Variants in SLC30A8 observed in about 807,000 individuals in gnomAD.
SLC30A8 encodes solute carrier family 30 member 8.
In SLC30A8, 27 loss-of-function variants were observed where a neutral mutation model predicts 36.9. That is an observed-to-expected ratio of 0.73 (90% confidence interval 0.54 to 1.01). The LOEUF (loss-of-function observed/expected upper bound fraction) is 1.01. Ranked by LOEUF, SLC30A8 falls within the 50% of genes least tolerant of loss-of-function variation. SLC30A8 has a pLI of 0.00. For missense variants in SLC30A8, 439 were observed against 452.0 expected (o/e 0.97, Z 0.26); for synonymous variants, 164 against 172.4 (o/e 0.95, Z 0.38).
chr8:116,995,224 T>C (rs1815775429), intron 1 of SLC30A8, among the ~76,000 whole-genome samples: 2 of 152,130 alleles, frequency 1.3e-5, no homozygotes, highest in South Asian at 4.1e-4. Context: ...CAAGGTTTAA[T>C]GCATCTTTGC....
At chr8:117,123,459 T>A (rs1213157752) in intron 2 of SLC30A8, among the ~76,000 whole-genome samples, 1 of 152,044 alleles carries the variant, frequency 6.6e-6, no homozygotes, top group Non-Finnish European at 1.5e-5. Context: ...CTAATTTCAT[T>A]ATTAGGCATT....
At chr8:117,094,190 A>G (rs1369746675) in intron 2 of SLC30A8, among the ~76,000 whole-genome samples, 1 of 152,220 alleles carries the variant, frequency 6.6e-6, no homozygotes, top group Non-Finnish European at 1.5e-5. Flanking sequence ...ATGCCAAAGT[A>G]GTGAGCAAGG....
chr8:117,094,142 C>T (rs1005176008), intron 2 of SLC30A8, among the ~76,000 whole-genome samples: 2 of 152,266 alleles, frequency 1.3e-5, no homozygotes, highest in Non-Finnish European at 2.9e-5. Context: ...CGAAGGGCCA[C>T]AGCTCTTCTC....
At chr8:117,055,128 G>T (rs557495892) in intron 2 of SLC30A8, among the ~76,000 whole-genome samples, 41 of 152,176 alleles carry the variant, frequency 2.7e-4, no homozygotes, top group Non-Finnish European at 5.3e-4. Flanking sequence ...GAGCTTGAAA[G>T]TGCGGGGTTA....
At chr8:117,146,231 C>G (rs1033727111) in intron 1 of SLC30A8, among the ~76,000 whole-genome samples, 2 of 151,762 alleles carry the variant, frequency 1.3e-5, no homozygotes, top group Admixed American at 1.3e-4. Flanking sequence ...CACATGTACC[C>G]TAAATTAGTT....
At chr8:116,980,207 T>C (rs765990387) in intron 1 of SLC30A8, among the ~76,000 whole-genome samples, 7 of 152,202 alleles carry the variant, frequency 4.6e-5, no homozygotes, top group Non-Finnish European at 1.0e-4. Flanking sequence ...ATGCATCACT[T>C]TTTTTGGTAG....
At chr8:116,983,633 A>G (rs1815347339) in intron 1 of SLC30A8, among the ~76,000 whole-genome samples, 3 of 152,088 alleles carry the variant, frequency 2.0e-5, no homozygotes, top group Admixed American at 2.0e-4. Context: ...TTGGAATTTC[A>G]CTTTTTCTAT....
At chr8:117,077,129 G>A (rs186113581) in intron 2 of SLC30A8, among the ~76,000 whole-genome samples, 1 of 152,104 alleles carries the variant, frequency 6.6e-6, no homozygotes, top group Non-Finnish European at 1.5e-5. Context: ...TATCCTCCCA[G>A]GTTACTCCTG....
intron 6 of SLC30A8, among the ~76,000 whole-genome samples, chr8:117,165,404 T>G (rs979707819): frequency 1.3e-5 from 2 of 152,226 alleles, no homozygotes; most frequent in Non-Finnish European, 2.9e-5. Flanking sequence ...CAGCAAGATA[T>G]TCTCAATTTT....
intron 7 of SLC30A8, 131 bp downstream of exon 7, chr8:117,171,299 A>G: frequency 9.5e-7 from 1 of 1,050,400 alleles, no homozygotes; most frequent in Non-Finnish European, 1.4e-6. Flanking sequence ...GTTTTCTATT[A>G]CCAAGGGCCT....
chr8:117,127,094 G>C (rs1318459741), intron 2 of SLC30A8, among the ~76,000 whole-genome samples: 2 of 151,842 alleles, frequency 1.3e-5, no homozygotes, highest in African/African-American at 4.8e-5. Flanking sequence ...GAGGCCACTG[G>C]ACCTGTCCTT....
chr8:117,130,936 TTC>T (rs943265860), upstream of SLC30A8, among the ~76,000 whole-genome samples: 59 of 152,162 alleles, frequency 3.9e-4, no homozygotes, highest in African/African-American at 1.3e-3. Context: ...TAGTTCATTT[TTC>T]TGTCATTTAT....
At chr8:117,127,182 G>A (rs1445400154) in intron 2 of SLC30A8, among the ~76,000 whole-genome samples, 7 of 151,694 alleles carry the variant, frequency 4.6e-5, no homozygotes, top group Non-Finnish European at 7.4e-5. Context: ...TAATTGGTAC[G>A]CGTTCCAAAT....
At chr8:116,951,647 AT>A in intron 1 of SLC30A8, among the ~76,000 whole-genome samples, 1 of 151,786 alleles carries the variant, frequency 6.6e-6, no homozygotes, top group Non-Finnish European at 1.5e-5. Flanking sequence ...CCATCTTCCA[AT>A]TTTTTGGTGA....
At chr8:117,164,594 A>T (rs370627408) in intron 6 of SLC30A8, among the ~76,000 whole-genome samples, 2 of 152,276 alleles carry the variant, frequency 1.3e-5, no homozygotes, top group African/African-American at 4.8e-5. Context: ...AATAAATAAA[A>T]AAAGCTTTGT....
At chr8:117,011,420 C>G (rs952657957) in intron 1 of SLC30A8, among the ~76,000 whole-genome samples, 3 of 152,194 alleles carry the variant, frequency 2.0e-5, no homozygotes, top group Non-Finnish European at 4.4e-5. Flanking sequence ...TGCCAAATAG[C>G]TCGTTTGTGA....
rs1823714645 is a variant in SLC30A8 at position 117,176,696 on chromosome 8, T to C, written c.*4015T>C. On this transcript the variant is annotated 3_prime_UTR_variant, in exon 8 of 8. Coordinates refer to ENST00000456015, the MANE Select transcript of SLC30A8 (RefSeq NM_173851.3). Reference sequence around the variant, plus strand: ...AAATGTTAATGTGTGTTGTTTAAAATAAAATCAAGAAAGAGAGAGTTTGGG... The same window carrying C: ...AAATGTTAATGTGTGTTGTTTAAAACAAAATCAAGAAAGAGAGAGTTTGGG... The C allele has an allele frequency of 6.6e-6, 1 of 152,478 alleles. No homozygotes were observed. Among genetic ancestry groups the C allele is most frequent in the Non-Finnish European group, 1.5e-5 (1 of 67,996 alleles). The allele number at this position is 152,478 out of a possible 1,614,324, so 9.4% of individuals were successfully genotyped here. A position where few individuals can be genotyped will look rare whatever the true frequency, so the allele number is the denominator to read the frequency against.
At chr8:117,141,221 A>G (rs1177878334) in intron 1 of SLC30A8, among the ~76,000 whole-genome samples, 1 of 152,156 alleles carries the variant, frequency 6.6e-6, no homozygotes, top group Non-Finnish European at 1.5e-5. Context: ...GAAATATCAC[A>G]GGAAAATAAA....
chr8:117,144,433 G>A (rs1014229215), intron 1 of SLC30A8, among the ~76,000 whole-genome samples: 1 of 151,968 alleles, frequency 6.6e-6, no homozygotes, highest in Admixed American at 6.6e-5. Flanking sequence ...TAGAAATGTA[G>A]GTACCTTTTG....
Sources: allele counts gnomAD v4.1 joint callset (sites outside exome capture counted in the v4.1 genomes callset), GRCh38; gene constraint gnomAD v4.1.1; transcripts MANE v1.5; gene names NCBI Gene and HGNC (gene_info 2026-07-23, HGNC 2026-07-21).